The following SLC28A1 variants were observed in gnomAD, a reference collection of about 807,000 sequenced individuals.
SLC28A1 encodes the protein sodium/nucleoside cotransporter 1.
In SLC28A1, 64 loss-of-function variants were observed where a neutral mutation model predicts 74.8. That is an observed-to-expected ratio of 0.86 (90% CI 0.70 to 1.05). The LOEUF (loss-of-function observed/expected upper bound fraction) is 1.05, where lower values mean the gene tolerates loss of function less well. Ranked by LOEUF, SLC28A1 falls within the 50% of genes least tolerant of loss-of-function variation. The probability of loss-of-function intolerance (pLI) is 0.00; values close to 1 mark genes in which losing one functional copy is unlikely to be tolerated. For synonymous variants in SLC28A1, 359 were observed against 335.0 expected, an observed-to-expected ratio of 1.07 and a Z score of -0.78; for missense variants, 828 against 822.8, an observed-to-expected ratio of 1.01 and a Z score of -0.08.
intron 15 of SLC28A1, among the ~76,000 whole-genome samples, chr15:84,935,871 C>T (rs1220187639): frequency 1.3e-5 from 2 of 151,756 alleles, no homozygotes; most frequent in African/African-American, 4.8e-5. Context: ...AAGGCATACA[C>T]ATGTGCACCC....
chr15:84,887,130 A>T (rs1193789127), intron 2 of SLC28A1, among the ~76,000 whole-genome samples: 2 of 152,344 alleles, frequency 1.3e-5, no homozygotes, highest in African/African-American at 4.8e-5. Flanking sequence ...AGGAACTGGA[A>T]TGATGCCTTT....
intron 1 of SLC28A1, among the ~76,000 whole-genome samples, 180 bp downstream of exon 1, chr15:84,884,931 G>A (rs150950363): frequency 1.4e-4 from 21 of 152,282 alleles, no homozygotes; most frequent in Non-Finnish European, 2.5e-4. Flanking sequence ...CATGGAGACA[G>A]TAGTGCTGCT....
the SLC28A1 span, among the ~76,000 whole-genome samples, chr15:84,956,686 A>G: frequency 7.0e-6 from 1 of 142,996 alleles, no homozygotes; most frequent in Non-Finnish European, 1.5e-5. Flanking sequence ...TTTTTTTTTA[A>G]TAGAGATAAG....
At chr15:84,966,182 A>T in the SLC28A1 span, among the ~76,000 whole-genome samples, 1 of 152,034 alleles carries the variant, frequency 6.6e-6, no homozygotes, top group Non-Finnish European at 1.5e-5. Context: ...GGTTGAAGCG[A>T]TTCTTCTGCC....
chr15:84,912,847 C>CACACACACACACACACACAA (rs60379618), intron 9 of SLC28A1, among the ~76,000 whole-genome samples: 6 of 130,974 alleles, frequency 4.6e-5, no homozygotes, highest in African/African-American at 1.6e-4. Context: ...CACACACACA[C>CACACACACACACACACACAA]AGATCAAATA....
chr15:84,928,917 C>G (rs1209659427), intron 12 of SLC28A1, among the ~76,000 whole-genome samples: 2 of 151,980 alleles, frequency 1.3e-5, no homozygotes, highest in Non-Finnish European at 2.9e-5. Context: ...GCCACTGCGC[C>G]CAGCCTCCAA....
At chr15:84,939,747 A>T (rs1972421766) in intron 15 of SLC28A1, 1 of 152,114 alleles carries the variant, frequency 6.6e-6, no homozygotes, top group Admixed American at 6.6e-5. Context: ...TTTTTTAATT[A>T]AAAAAATTGT....
chr15:84,937,519 T>G (rs979705832), intron 15 of SLC28A1, among the ~76,000 whole-genome samples: 1 of 152,216 alleles, frequency 6.6e-6, no homozygotes, highest in Non-Finnish European at 1.5e-5. Flanking sequence ...ATTACTTGGG[T>G]GACTGGAAAC....
chr15:84,924,853 T>C (rs907618163), intron 12 of SLC28A1, among the ~76,000 whole-genome samples: 1 of 152,146 alleles, frequency 6.6e-6, no homozygotes, highest in Admixed American at 6.5e-5. Context: ...TAAATCTCTT[T>C]CTTAACCCCA....
the SLC28A1 span, among the ~76,000 whole-genome samples, chr15:84,974,494 A>G: frequency 2.0e-5 from 3 of 152,132 alleles, no homozygotes; most frequent in Non-Finnish European, 4.4e-5. Flanking sequence ...GCTAATGCCA[A>G]CCTGGCAGGG....
chr15:84,968,333 C>T, the SLC28A1 span, among the ~76,000 whole-genome samples: 4 of 152,174 alleles, frequency 2.6e-5, no homozygotes, highest in African/African-American at 9.7e-5. Flanking sequence ...GTTGTTCTGG[C>T]TCAGGGTCTC....
At chr15:84,925,982 C>T (rs966692755) in intron 12 of SLC28A1, among the ~76,000 whole-genome samples, 5 of 149,650 alleles carry the variant, frequency 3.3e-5, no homozygotes, top group African/African-American at 1.2e-4. Context: ...TTTACTGTAA[C>T]CTTTTTTGGT....
chr15:84,910,788 C>T (rs1485244048), intron 9 of SLC28A1, among the ~76,000 whole-genome samples: 1 of 152,130 alleles, frequency 6.6e-6, no homozygotes, highest in Non-Finnish European at 1.5e-5. Context: ...AGTTCAACCT[C>T]CCCAGGCAGC....
At chr15:84,937,026 C>T (rs1235798219) in intron 15 of SLC28A1, among the ~76,000 whole-genome samples, 5 of 148,334 alleles carry the variant, frequency 3.4e-5, no homozygotes, top group African/African-American at 1.3e-4. Context: ...GCACTCCAGC[C>T]TGGGCAACAG....
At chr15:84,942,506 T>C (rs145191820) in intron 15 of SLC28A1, among the ~76,000 whole-genome samples, 2 of 152,360 alleles carry the variant, frequency 1.3e-5, no homozygotes, top group African/African-American at 4.8e-5. Flanking sequence ...ACTATTGTGT[T>C]TGAACACTTA....
chr15:84,888,722 TG>T (rs1964904075), intron 3 of SLC28A1, 49 bp from the exon 4 acceptor site: 4 of 1,367,546 alleles, frequency 2.9e-6, no homozygotes, highest in Non-Finnish European at 4.1e-6. Context: ...TGTAAGTTCC[TG>T]GGGGTGGGTA....
At chr15:84,922,036 G>A (rs1209121456) in intron 11 of SLC28A1, among the ~76,000 whole-genome samples, 1 of 152,134 alleles carries the variant, frequency 6.6e-6, no homozygotes, top group African/African-American at 2.4e-5. Context: ...TAGATGCCGG[G>A]GTCTACGCCT....
At chr15:84,887,614 C>T (rs937442918) in intron 2 of SLC28A1, 131 bp from the exon 3 acceptor site, 37 of 1,532,410 alleles carry the variant, frequency 2.4e-5, no homozygotes, top group Non-Finnish European at 3.2e-5. Context: ...ATAGGTGGCC[C>T]CCAGGCAGGG....
intron 12 of SLC28A1, among the ~76,000 whole-genome samples, chr15:84,927,883 G>C (rs1180617060): frequency 7.4e-6 from 1 of 135,964 alleles, no homozygotes; most frequent in Non-Finnish European, 1.6e-5. Flanking sequence ...CTTTGTTCCT[G>C]AAACTTTTTT....
Sources: allele counts gnomAD v4.1 joint callset (sites outside exome capture counted in the v4.1 genomes callset), GRCh38; gene constraint gnomAD v4.1.1; transcripts MANE v1.5; gene names NCBI Gene and HGNC (gene_info 2026-07-23, HGNC 2026-07-21).